IFIH1: variants seen among roughly 807,000 people sequenced by gnomAD.
IFIH1 encodes the protein interferon-induced helicase C domain-containing protein 1.
Under a neutral mutation model 107.4 loss-of-function variants are expected in IFIH1, and 125 were observed. That is an observed-to-expected ratio of 1.16 (90% CI 1.01 to 1.35). The LOEUF is 1.35. Among genes scored for constraint, IFIH1 ranks in the 40% most tolerant of loss-of-function variants. The pLI is 0.00. For missense variants in IFIH1, 1,333 were observed against 1,213.7 expected (o/e 1.10, Z -1.46); for synonymous variants, 458 against 413.2 (o/e 1.11, Z -1.31).
intron 5 of IFIH1, among the ~76,000 whole-genome samples, chr2:162,287,317 A>G (rs1454774622): frequency 1.3e-5 from 2 of 151,966 alleles, no homozygotes; most frequent in African/African-American, 4.8e-5. Context: ...AAGAACAGAA[A>G]AAAGACTTTC....
chr2:162,281,973 A>C (rs6759894), intron 6 of IFIH1, among the ~76,000 whole-genome samples: 5,661 of 152,078 alleles, frequency 0.037, 345 homozygotes, highest in African/African-American at 0.13. Context: ...TTGTTTTAAC[A>C]TTGCATTTAG....
At position 162,318,117 on chromosome 2, in the gene IFIH1, C is replaced by T; in HGVS notation, c.191G>A (p.Ser64Asn). The change falls in exon 1 of 16, where the codon AGC (serine) becomes AAC (asparagine). Residue 64 changes from serine to asparagine, a missense_variant. Transcript: ENST00000649979. ...GNMQAVELLLSTLEKGVWHLG... is the reference protein window; with the variant it reads ...GNMQAVELLLNTLEKGVWHLG... ...GTGCCAGACTCCCTTCTCCAAGGTG[C>T]TCAGCAGCAGTTCAACTGCCTGCAT... 1 of 1,614,208 alleles carries T rather than the reference C, an allele frequency of 6.2e-7. No individual in the cohort carries two copies. Among genetic ancestry groups the T allele is most frequent in the Non-Finnish European group, 8.5e-7 (1 of 1,180,028 alleles).
At chr2:162,306,601 T>C (rs1683283290) in intron 3 of IFIH1, 108 bp downstream of exon 3, 1 of 677,172 alleles carries the variant, frequency 1.5e-6, no homozygotes, top group Non-Finnish European at 2.4e-6. Context: ...TATAAATGTT[T>C]ACTAACCTTA....
chr2:162,271,863 C>G (rs114170801), intron 13 of IFIH1, among the ~76,000 whole-genome samples: 4,049 of 152,236 alleles, frequency 0.027, 87 homozygotes, highest in Middle Eastern at 0.095. Context: ...ACACAGTAGG[C>G]GTTTCATCTA....
intron 12 of IFIH1, 119 bp downstream of exon 12, chr2:162,273,675 GA>G (rs1691089679): frequency 1.8e-5 from 14 of 770,652 alleles, no homozygotes; most frequent in Non-Finnish European, 2.7e-5. Context: ...CTTTTAACAG[GA>G]AAAAGGCTTT....
chr2:162,293,597 C>T lies in IFIH1; in HGVS notation c.841G>A (p.Gly281Ser). The T allele has an allele frequency of 6.2e-7, 1 of 1,611,630 alleles. No homozygotes were observed. The highest frequency in any genetic ancestry group is 8.5e-7 in the Non-Finnish European group (1 of 1,178,280). The part of the protein sequence containing the change: ...DESLGHNSNM[G>S]SDSGTMGSDS... ...CTTCCCATGGTGCCTGAATCACTGC[C>T]CATGTTGCTGTTATGTCCAAGACTT... The change falls in exon 4 of 16, where the codon GGC (glycine) becomes AGC (serine). Residue 281 changes from glycine (G) to serine (S), a missense_variant. Coordinates refer to ENST00000649979, the MANE Select transcript of IFIH1 (RefSeq NM_022168.4).
At position 162,317,918 on chromosome 2, in the gene IFIH1, T is replaced by C. The variant is rs1442032597; in HGVS notation, c.390A>G (p.Leu130=). 6.2e-7 allele frequency: 1 copy of C among 1,613,650 alleles called. No individual in the cohort carries two copies. The highest frequency in any genetic ancestry group is 1.3e-5 in the African/African-American group (1 of 74,920). The change falls in exon 1 of 16, where the codon CTA becomes CTG. Residue 130 remains leucine, a synonymous_variant. Coordinates refer to ENST00000649979, the MANE Select transcript of IFIH1 (RefSeq NM_022168.4). The part of the protein sequence containing the change: ...LLQPTLVDKL[L]VRDVLDKCME... ...TGCACTTATCCAAGACGTCTCTAAC[T>C]AGAAGCTTGTCCACCAGAGTGGGCT...
intron 3 of IFIH1, among the ~76,000 whole-genome samples, chr2:162,301,551 G>A (rs1176688829): frequency 6.6e-6 from 1 of 152,232 alleles, no homozygotes; most frequent in Admixed American, 6.5e-5. Flanking sequence ...TGATTTTATT[G>A]TAATGCATTA....
At chr2:162,295,045 T>A (rs1277511419) in intron 3 of IFIH1, among the ~76,000 whole-genome samples, 1 of 152,030 alleles carries the variant, frequency 6.6e-6, no homozygotes, top group Non-Finnish European at 1.5e-5. Flanking sequence ...ATGTTTATAG[T>A]TTGAGAAGTT....
rs139661131 is a variant in IFIH1, at chr2:162,278,196, C to A, written c.1765+9G>T. The A allele has an allele frequency of 1.2e-6, 2 of 1,600,018 alleles. No individual in the cohort carries two copies. Among genetic ancestry groups the A allele is most frequent in the Non-Finnish European group, 1.7e-6 (2 of 1,175,724 alleles). On this transcript the variant is annotated intron_variant, in intron 9 of 15. Coordinates refer to ENST00000649979, the MANE Select transcript of IFIH1 (RefSeq NM_022168.4). ...GATAAACTAAGTGTTAGGTCCAAACCTAAATTACCTTTTTTTTCCATTTGA... is the reference window on the plus strand; with the variant it reads ...GATAAACTAAGTGTTAGGTCCAAACATAAATTACCTTTTTTTTCCATTTGA...
chr2:162,267,764 C>T (rs1339049231), intron 14 of IFIH1, among the ~76,000 whole-genome samples, 195 bp from the exon 15 acceptor site: 1 of 152,188 alleles, frequency 6.6e-6, no homozygotes, highest in African/African-American at 2.4e-5. Context: ...TCTCAAGGGG[C>T]ATGTTGCCTT....
Position 162,288,190 on chromosome 2 carries a change from A to G in IFIH1, c.1040T>C (p.Leu347Ser). ...CTCAGATGCTTTTTTCTTCTTGTCT[A>G]AGTGATCCTTGGCAATGTAAACAGC... ...RVAVYIAKDH[L>S]DKKKKASEPG... The change falls in exon 5 of 16, where the codon TTA becomes TCA. Residue 347 changes from leucine to serine, a missense_variant. Transcript: ENST00000649979. 1.2e-6 allele frequency: 2 copies of G among 1,612,704 alleles called. No individual in the cohort carries two copies. Among genetic ancestry groups the G allele is most frequent in the Non-Finnish European group, 8.5e-7 (1 of 1,179,192 alleles).
intron 6 of IFIH1, 145 bp downstream of exon 6, chr2:162,282,221 C>A: frequency 1.8e-6 from 1 of 551,832 alleles, no homozygotes. Flanking sequence ...TTTTTGTTTC[C>A]TCCAGGAAGT....
At chr2:162,306,482 T>C (rs1683281924) in intron 3 of IFIH1, among the ~76,000 whole-genome samples, 1 of 152,210 alleles carries the variant, frequency 6.6e-6, no homozygotes, top group Non-Finnish European at 1.5e-5. Flanking sequence ...AAATTAAAAT[T>C]AGATGCAATT....
At chr2:162,283,243 A>G (rs76685679) in intron 5 of IFIH1, among the ~76,000 whole-genome samples, 555 of 152,074 alleles carry the variant, frequency 3.6e-3, no homozygotes, top group African/African-American at 0.013. Flanking sequence ...GAGTTAGGGC[A>G]TTGACTAGGA....
In IFIH1 at chr2:162,267,192, A is replaced by G. The variant is rs1559808604; in HGVS notation, c.*8T>C. On this transcript the variant is annotated 3_prime_UTR_variant, in exon 16 of 16. Coordinates refer to ENST00000649979, the MANE Select transcript of IFIH1 (RefSeq NM_022168.4). Reference sequence around the variant, plus strand: ...TGATAGTATTTTAAAAGAATCTTCAATCAAGTGCTAATCCTCATCACTAAA... The same window carrying G: ...TGATAGTATTTTAAAAGAATCTTCAGTCAAGTGCTAATCCTCATCACTAAA... The G allele has an allele frequency of 1.3e-6, 2 of 1,552,232 alleles. No individual in the cohort carries two copies. Among genetic ancestry groups the G allele is most frequent in the East Asian group, 2.3e-5 (1 of 44,388 alleles).
chr2:162,280,040 G>A lies in IFIH1; in HGVS notation c.1597C>T (p.Gln533Ter). ...ATGGCAAACTTCTTGCATGGCTCCT[G>A]TATTTGGTTTTTCAGTTGATCAAGG... ...ENLDQLKNQI[Q>*]EPCKKFAIAD... is the part of the protein sequence containing the mutation. The change falls in exon 8 of 16, where the codon CAG becomes TAG. Residue 533 changes from glutamine to a stop codon, truncating the protein, a stop_gained. Transcript: ENST00000649979. LOFTEE classifies it high-confidence loss of function. 1.9e-6 allele frequency: 3 copies of A among 1,611,222 alleles called. No homozygotes were observed. The South Asian group carries it at 3.3e-5, about 18-fold the overall frequency.
chr2:162,283,726 C>G (rs1408956266), intron 5 of IFIH1, among the ~76,000 whole-genome samples: 1 of 151,904 alleles, frequency 6.6e-6, no homozygotes, highest in Non-Finnish European at 1.5e-5. Context: ...ATGGCTGATC[C>G]CCCTGGCTAA....
Position 162,281,309 on chromosome 2 carries a change from A to G in IFIH1, c.1524+19T>C, listed in dbSNP as rs374493449. The stretch of plus-strand genomic sequence containing the variant: ...TTTTAGCTTTGCTTTCATTGGTTAT[A>G]CATAAAATTATGACTTACTTTTAAA... On this transcript the variant is annotated intron_variant, in intron 7 of 15. Coordinates refer to ENST00000649979, the MANE Select transcript of IFIH1 (RefSeq NM_022168.4). 244 of 1,588,688 alleles carry G rather than the reference A, an allele frequency of 1.5e-4. 1 individual carries two copies. The Middle Eastern group carries it at 5.8e-3, about 38-fold the overall frequency.
Sources: gnomAD v4.1 joint callset for allele counts (sites outside exome capture counted in the v4.1 genomes callset) on GRCh38, gnomAD v4.1.1 for gene constraint, MANE v1.5 for transcripts, NCBI Gene and HGNC (gene_info 2026-07-23, HGNC 2026-07-21) for gene names.